DIAPH2: variants seen among roughly 807,000 people sequenced by gnomAD.
The protein encoded by DIAPH2 is diaphanous related formin 2.
In DIAPH2, 35 loss-of-function variants were observed where a neutral mutation model predicts 92.7. The ratio of observed to expected loss-of-function variants is 0.38; its 90% CI spans 0.29 to 0.50. DIAPH2 has a LOEUF of 0.50. Ranked by LOEUF, DIAPH2 falls within the 20% of genes least tolerant of loss-of-function variation. The pLI, the probability that DIAPH2 is intolerant of heterozygous loss-of-function variation, is 0.94. For missense variants in DIAPH2, 701 were observed against 819.5 expected, an observed-to-expected ratio of 0.86 and a Z score of 1.77; for synonymous variants, 301 against 280.4, an observed-to-expected ratio of 1.07 and a Z score of -0.73.
At chrX:97,236,636 C>T (rs2068050055) in intron 22 of DIAPH2, among the ~76,000 whole-genome samples, 1 of 106,712 alleles carries the variant, frequency 9.4e-6, no homozygotes, top group African/African-American at 3.4e-5. Context: ...GCTCCACCTC[C>T]CGGGTTCACG....
At chrX:97,470,714 C>T (rs952274079) in intron 26 of DIAPH2, among the ~76,000 whole-genome samples, 3 of 107,635 alleles carry the variant, frequency 2.8e-5, no homozygotes, top group African/African-American at 1.0e-4. Flanking sequence ...AAAACAACCA[C>T]GCAAGAGACT....
chrX:96,933,650 C>T (rs1367922130), intron 10 of DIAPH2, among the ~76,000 whole-genome samples: 3 of 106,810 alleles, frequency 2.8e-5, no homozygotes, highest in African/African-American at 1.0e-4. Context: ...TGTCACCAGG[C>T]TGGAGTGCAG....
At chrX:97,132,799 T>C (rs1487056634) in intron 21 of DIAPH2, among the ~76,000 whole-genome samples, 1 of 112,508 alleles carries the variant, frequency 8.9e-6, no homozygotes, top group Non-Finnish European at 1.9e-5. Context: ...TTCCATTGAC[T>C]CAACCAGATC....
intron 1 of DIAPH2, among the ~76,000 whole-genome samples, chrX:96,704,302 G>A (rs772525529): frequency 8.9e-6 from 1 of 111,998 alleles, no homozygotes; most frequent in South Asian, 3.7e-4. Flanking sequence ...AACATGAAGA[G>A]CATTAACTAC....
At chrX:97,225,495 T>C (rs778920550) in intron 22 of DIAPH2, among the ~76,000 whole-genome samples, 1 of 111,970 alleles carries the variant, frequency 8.9e-6, no homozygotes, top group African/African-American at 3.2e-5. Context: ...TCATGTCTTC[T>C]GGATACCTAC....
intron 22 of DIAPH2, among the ~76,000 whole-genome samples, chrX:97,222,522 T>C (rs896789719): frequency 4.5e-5 from 5 of 111,418 alleles, no homozygotes; most frequent in Non-Finnish European, 9.4e-5. Context: ...GATTATTGAA[T>C]AGAAAAACAT....
At chrX:97,322,161 A>G (rs2068903764) in intron 23 of DIAPH2, among the ~76,000 whole-genome samples, 2 of 112,681 alleles carry the variant, frequency 1.8e-5, no homozygotes, top group Non-Finnish European at 3.7e-5. Context: ...TATTGTTTAT[A>G]ATTCACACTT....
In DIAPH2 at chrX:97,218,602, GA is replaced by G. The variant is rs892674751; in HGVS notation, c.2720-29103del. On this transcript the variant is annotated intron_variant, in intron 22 of 26. Coordinates refer to ENST00000324765, the MANE Select transcript of DIAPH2 (RefSeq NM_006729.5). The stretch of plus-strand genomic sequence containing the variant: ...AATCAAATACTGCCTGCTAATACAA[GA>G]AAAAAAAAATCAAACCAAATACAGT... Among the ~76,000 whole-genome samples the G allele has an allele frequency of 7.9e-4, 84 of 106,180 alleles. No homozygotes were observed. In the East Asian group the frequency reaches 0.022, roughly 28 times the overall value. 92.2% of individuals were successfully genotyped at this position (106,180 alleles called of 115,157 possible).
chrX:97,585,024 A>C (rs2071470166), intron 26 of DIAPH2, among the ~76,000 whole-genome samples: 1 of 112,054 alleles, frequency 8.9e-6, no homozygotes, highest in African/African-American at 3.2e-5. Context: ...TCAAATTATC[A>C]TGAAACCTTC....
intron 22 of DIAPH2, among the ~76,000 whole-genome samples, chrX:97,214,024 G>A (rs1173437334): frequency 9.0e-6 from 1 of 111,580 alleles, no homozygotes; most frequent in African/African-American, 3.3e-5. Flanking sequence ...CAGTAAAAAA[G>A]AAAGTGTAAG....
chrX:97,226,714 A>C (rs2067968433), intron 22 of DIAPH2, among the ~76,000 whole-genome samples: 1 of 111,805 alleles, frequency 8.9e-6, no homozygotes, highest in African/African-American at 3.2e-5. Context: ...ATACTCAGGC[A>C]GTCAGTGGAG....
At chrX:97,361,050 C>CTT (rs1251912605) in intron 24 of DIAPH2, among the ~76,000 whole-genome samples, 6 of 91,629 alleles carry the variant, frequency 6.5e-5, no homozygotes, top group Admixed American at 1.2e-4. Flanking sequence ...TCTTCTTCTT[C>CTT]TTTTTTTTTT....
chrX:96,758,363 T>C, intron 4 of DIAPH2, 105 bp downstream of exon 4: 1 of 529,238 alleles, frequency 1.9e-6, no homozygotes, highest in Non-Finnish European at 2.9e-6. Context: ...CTCATTGTAC[T>C]CATATAGACT....
At chrX:96,695,797 T>C (rs1258871893) in intron 1 of DIAPH2, among the ~76,000 whole-genome samples, 1 of 111,971 alleles carries the variant, frequency 8.9e-6, no homozygotes, top group African/African-American at 3.2e-5. Flanking sequence ...GTGTATCCTA[T>C]TGTCTGACCA....
intron 23 of DIAPH2, among the ~76,000 whole-genome samples, chrX:97,271,813 G>GCGCA (rs1556014792): frequency 1.1e-4 from 10 of 91,557 alleles, no homozygotes; most frequent in Admixed American, 5.2e-4. Flanking sequence ...ATATATATAT[G>GCGCA]CACACACACA....
chrX:97,336,027 G>C (rs992374031), intron 23 of DIAPH2, among the ~76,000 whole-genome samples: 5 of 110,005 alleles, frequency 4.5e-5, no homozygotes, highest in Non-Finnish European at 9.5e-5. Flanking sequence ...TCTTCTTTGT[G>C]TTCCTAGAAT....
At chrX:96,867,383 TTA>T (rs2065111478) in intron 4 of DIAPH2, among the ~76,000 whole-genome samples, 1 of 110,623 alleles carries the variant, frequency 9.0e-6, no homozygotes, top group Non-Finnish European at 1.9e-5. Flanking sequence ...CATGCCCAAC[TTA>T]TTTTTTGTAT....
intron 17 of DIAPH2, among the ~76,000 whole-genome samples, chrX:97,042,056 T>G (rs2066451840): frequency 9.0e-6 from 1 of 111,697 alleles, no homozygotes; most frequent in African/African-American, 3.2e-5. Context: ...TGTCTTAACC[T>G]CTCTAAATCT....
chrX:97,183,092 G>T (rs1173620002), intron 22 of DIAPH2, among the ~76,000 whole-genome samples: 3 of 111,585 alleles, frequency 2.7e-5, no homozygotes, highest in Admixed American at 9.6e-5. Flanking sequence ...TTATGGAAGA[G>T]AAAATTTCAG....
Sources: allele counts gnomAD v4.1 joint callset (sites outside exome capture counted in the v4.1 genomes callset), GRCh38; gene constraint gnomAD v4.1.1; transcripts MANE v1.5; gene names NCBI Gene and HGNC (gene_info 2026-07-23, HGNC 2026-07-21).